The following SGSM1 variants were observed in gnomAD, a reference collection of about 807,000 sequenced individuals.
The protein encoded by SGSM1 is small G protein signaling modulator 1.
Under a neutral mutation model 133.8 loss-of-function variants are expected in SGSM1, and 73 were observed. The observed-to-expected ratio is 0.55, with a 90% CI of 0.45 to 0.66. The LOEUF is 0.66. Among genes scored for constraint, SGSM1 ranks in the 30% least tolerant of loss-of-function variants. The pLI is 0.00. For synonymous variants in SGSM1, 563 were observed against 573.0 expected (o/e 0.98, Z 0.25); for missense variants, 1,213 against 1,448.1 (o/e 0.84, Z 2.64).
Position 24,898,460 on chromosome 22 carries a change from G to A in SGSM1, c.2511G>A (p.Glu837=). Residue 837 remains glutamate (E), a synonymous_variant, in exon 19 of 25, where the codon GAG becomes GAA. Coordinates refer to ENST00000400358, the MANE Select transcript of SGSM1 (RefSeq NM_001098497.3). ...QADSEDNLSE[E]PEMESLFPAL... Reference sequence around the variant, plus strand: ...ACAGTGAGGACAACCTCTCGGAGGAGCCTGAGATGGAAAGTCTCTTCCCTG... The same window carrying A: ...ACAGTGAGGACAACCTCTCGGAGGAACCTGAGATGGAAAGTCTCTTCCCTG... 1 of 1,613,930 alleles carries A rather than the reference G, an allele frequency of 6.2e-7. No homozygotes were observed. Among genetic ancestry groups the A allele is most frequent in the African/African-American group, 1.3e-5 (1 of 75,056 alleles).
intron 2 of SGSM1, among the ~76,000 whole-genome samples, chr22:24,837,762 G>A (rs1569140803): frequency 6.6e-6 from 1 of 152,174 alleles, no homozygotes; most frequent in Admixed American, 6.5e-5. Flanking sequence ...CTTGTCTAAT[G>A]GTCACACCTC....
At chr22:24,839,042 G>A (rs1021075541) in intron 2 of SGSM1, among the ~76,000 whole-genome samples, 1 of 151,946 alleles carries the variant, frequency 6.6e-6, no homozygotes, top group African/African-American at 2.4e-5. Context: ...AACAGAGGAT[G>A]CCTTTCCATT....
intron 2 of SGSM1, among the ~76,000 whole-genome samples, chr22:24,838,434 C>T (rs751302442): frequency 1.2e-4 from 18 of 152,196 alleles, no homozygotes; most frequent in Non-Finnish European, 2.5e-4. Context: ...AGGAAGCAAA[C>T]ATGGTGAATG....
At chr22:24,872,865 G>A (rs1931833624) in intron 12 of SGSM1, among the ~76,000 whole-genome samples, 1 of 151,996 alleles carries the variant, frequency 6.6e-6, no homozygotes, top group Non-Finnish European at 1.5e-5. Context: ...GTTTTGGTGA[G>A]CCGAGATTGT....
At chr22:24,863,212 A>G (rs116550119) in intron 9 of SGSM1, among the ~76,000 whole-genome samples, 1,860 of 152,264 alleles carry the variant, frequency 0.012, 43 homozygotes, top group African/African-American at 0.043. Context: ...ACTAGAGTAC[A>G]GTGGCACAAT....
Position 24,859,492 on chromosome 22 carries a change from A to G in SGSM1, c.802-224A>G, listed in dbSNP as rs984160588. 9 of 608,934 alleles carry G rather than the reference A, an allele frequency of 1.5e-5. No individual in the cohort carries two copies. In the Admixed American group the frequency reaches 1.7e-4, roughly 12 times the overall value. 37.7% of individuals were successfully genotyped at this position (608,934 alleles called of 1,614,324 possible). On this transcript the variant is annotated intron_variant, in intron 8 of 24. Transcript: ENST00000400358. The stretch of plus-strand genomic sequence containing the variant: ...AAAGTGATGGGGGTGGGAGGCTTTC[A>G]CAGCTGGACGATGTAGAACCCATTT...
intron 12 of SGSM1, among the ~76,000 whole-genome samples, chr22:24,869,546 T>C (rs1231670078): frequency 6.6e-6 from 1 of 152,198 alleles, no homozygotes; most frequent in African/African-American, 2.4e-5. Flanking sequence ...TAAAATACTT[T>C]TTAAATGAGA....
At chr22:24,914,870 T>C (rs531394486) in intron 22 of SGSM1, among the ~76,000 whole-genome samples, 10 of 152,282 alleles carry the variant, frequency 6.6e-5, no homozygotes, top group African/African-American at 2.4e-4. Context: ...TCATTTAGGC[T>C]GTTTTTATTT....
chr22:24,890,463 C>T (rs1390608951), intron 16 of SGSM1, among the ~76,000 whole-genome samples: 2 of 152,168 alleles, frequency 1.3e-5, no homozygotes, highest in Admixed American at 6.5e-5. Flanking sequence ...AGTGTTAACA[C>T]TGACACAATA....
intron 2 of SGSM1, among the ~76,000 whole-genome samples, chr22:24,811,007 A>G (rs1414197992): frequency 6.6e-6 from 1 of 152,224 alleles, no homozygotes; most frequent in African/African-American, 2.4e-5. Context: ...GCCAGATAAC[A>G]TCCAGGTCGC....
At chr22:24,888,715 G>T (rs1256659498) in intron 16 of SGSM1, among the ~76,000 whole-genome samples, 1 of 151,984 alleles carries the variant, frequency 6.6e-6, no homozygotes, top group Non-Finnish European at 1.5e-5. Flanking sequence ...GGAGGTGGAG[G>T]TTGCAGTGAG....
At chr22:24,876,251 C>T (rs1396110363) in intron 12 of SGSM1, among the ~76,000 whole-genome samples, 1 of 152,206 alleles carries the variant, frequency 6.6e-6, no homozygotes. Context: ...CCTGCAGCAT[C>T]CTGTGAGCAT....
chr22:24,867,457 T>C (rs755632005), intron 10 of SGSM1, among the ~76,000 whole-genome samples: 1 of 152,142 alleles, frequency 6.6e-6, no homozygotes, highest in Non-Finnish European at 1.5e-5. Context: ...TACTAAGCAG[T>C]GATAATGTGC....
chr22:24,856,783 T>C (rs113141239), intron 8 of SGSM1, among the ~76,000 whole-genome samples: 1 of 151,594 alleles, frequency 6.6e-6, no homozygotes, highest in Non-Finnish European at 1.5e-5. Context: ...TTTTTTTTTT[T>C]TCTGAGACAG....
intron 8 of SGSM1, among the ~76,000 whole-genome samples, chr22:24,857,451 T>G (rs1930870452): frequency 6.6e-6 from 1 of 152,090 alleles, no homozygotes; most frequent in Non-Finnish European, 1.5e-5. Flanking sequence ...ACAGTGTTTT[T>G]GTTTTGTTTT....
At position 24,897,989 on chromosome 22, in the gene SGSM1, T is replaced by A. The variant is rs950713856; in HGVS notation, c.2040T>A (p.Asp680Glu). Residue 680 changes from aspartate (D) to glutamate (E), a missense_variant, in exon 19 of 25, where the codon GAT (aspartate) becomes GAA (glutamate). By Grantham distance (45) the Asp-to-Glu change is conservative. Transcript: ENST00000400358. ...GTCCTCAGGTGTTTGAGTCTGTGGA[T>A]GAGGTGGAGCAGGTGGAGGCTGAAG... ...SSSTQVFESV[D>E]EVEQVEAEGR... 2.5e-6 allele frequency: 4 copies of A among 1,603,012 alleles called. No individual in the cohort carries two copies. The highest frequency in any genetic ancestry group is 3.4e-6 in the Non-Finnish European group (4 of 1,174,732).
intron 24 of SGSM1, among the ~76,000 whole-genome samples, chr22:24,921,026 T>G (rs1933986386): frequency 6.6e-6 from 1 of 152,238 alleles, no homozygotes; most frequent in Admixed American, 6.5e-5. Context: ...ATGTTTATTT[T>G]TATGTTTTTA....
chr22:24,874,431 G>A (rs758197558), intron 12 of SGSM1: 25 of 1,611,006 alleles, frequency 1.6e-5, no homozygotes, highest in African/African-American at 2.7e-5. Flanking sequence ...CCGACTTCTT[G>A]GGCAGCACTT....
rs55687855 is a variant in SGSM1 at position 24,924,577 on chromosome 22, C to T, written c.*303C>T. On this transcript the variant is annotated 3_prime_UTR_variant, in exon 25 of 25. Transcript: ENST00000400358. ...GGAGCCATCTTTGTTTGCTGGTGCC[C>T]GGAATGGTCTCCTCTTCTTCTTTCC... The T allele has an allele frequency of 0.01, 4,240 of 419,028 alleles. 33 individuals are homozygous for T. Among genetic ancestry groups the T allele is most frequent in the African/African-American group, 0.025 (1,228 of 50,060 alleles). The allele number at this position is 419,028 out of a possible 1,614,324, so 26.0% of individuals were successfully genotyped here.
Sources: allele counts gnomAD v4.1 joint callset (sites outside exome capture counted in the v4.1 genomes callset), GRCh38; gene constraint gnomAD v4.1.1; transcripts MANE v1.5; gene names NCBI Gene and HGNC (gene_info 2026-07-23, HGNC 2026-07-21).